The following AGO4 variants were observed in gnomAD, a reference collection of about 807,000 sequenced individuals.
The protein encoded by AGO4 is argonaute RISC component 4, also known as protein argonaute-4.
In AGO4, 33 loss-of-function variants were observed where a neutral mutation model predicts 104.7. The ratio of observed to expected loss-of-function variants is 0.32; its 90% CI spans 0.24 to 0.42. The LOEUF is 0.42. Ranked by LOEUF, AGO4 falls within the 10% of genes least tolerant of loss-of-function variation. The pLI is 1.00. For missense variants in AGO4, 711 were observed against 1,083.4 expected (o/e 0.66, Z 4.83); for synonymous variants, 331 against 364.7 (o/e 0.91, Z 1.05).
At chr1:35,827,679 G>A (rs1360166118) in intron 7 of AGO4, among the ~76,000 whole-genome samples, 2 of 151,616 alleles carry the variant, frequency 1.3e-5, no homozygotes, top group Non-Finnish European at 2.9e-5. Context: ...TACCTCTTAA[G>A]TAGAGTATGT....
At chr1:35,812,998 C>G (rs576628307) in intron 1 of AGO4, among the ~76,000 whole-genome samples, 44 of 152,212 alleles carry the variant, frequency 2.9e-4, no homozygotes, top group African/African-American at 1.0e-3. Flanking sequence ...TGTTTATCAC[C>G]TCTCACATTA....
intron 16 of AGO4, among the ~76,000 whole-genome samples, chr1:35,850,513 C>T (rs954736773): frequency 6.6e-6 from 1 of 152,000 alleles, no homozygotes; most frequent in Non-Finnish European, 1.5e-5. Flanking sequence ...GGCATGGTGG[C>T]TCACGCTTGT....
chr1:35,855,945 CAGA>C lies in AGO4; in HGVS notation c.*2346_*2348del, dbSNP rs767551038. ...CTCGGGCTTGCTTATTAATAACGCA[CAGA>C]AGAAGCATCACTTCTCACCATCTCC... On this transcript the variant is annotated 3_prime_UTR_variant, in exon 18 of 18. Coordinates refer to ENST00000373210, the MANE Select transcript of AGO4 (RefSeq NM_017629.4). 2.6e-5 allele frequency: 4 copies of C among 152,238 alleles called. No homozygotes were observed. The highest frequency in any genetic ancestry group is 5.9e-5 in the Non-Finnish European group (4 of 68,046). 9.4% of individuals were successfully genotyped at this position (152,238 alleles called of 1,614,324 possible). A position where few individuals can be genotyped will look rare whatever the true frequency, so the allele number is the denominator to read the frequency against.
At position 35,808,543 on chromosome 1, in the gene AGO4, C is replaced by T; in HGVS notation, c.19+108C>T. 3.0e-6 allele frequency: 3 copies of T among 998,450 alleles called. No individual in the cohort carries two copies. Among genetic ancestry groups the T allele is most frequent in the Non-Finnish European group, 3.7e-6 (3 of 806,978 alleles). The allele number at this position is 998,450 out of a possible 1,614,324, so 61.8% of individuals were successfully genotyped here. On this transcript the variant is annotated intron_variant, in intron 1 of 17. Transcript: ENST00000373210. This position sits in a 1 kb window ranked among gnomAD's most constrained non-coding sequence, Gnocchi z 5.2. ...TCGCCGGGTTCGGGCCGCCAGGCCT[C>T]GGGGAAGGGGACCCGAGCCCCGCAG...
chr1:35,825,325 G>A lies in AGO4; in HGVS notation c.319G>A (p.Val107Met), dbSNP rs1643990922. Residue 107 changes from valine (V) to methionine (M), a missense_variant, in exon 4 of 18, where the codon GTG becomes ATG. Transcript: ENST00000373210. ...TTTTTTTCCTTAGGTTGATATGGAG[G>A]TGACTCTTCCAGGCGAGGGTAAAGA... ...PIGRDRVDME[V>M]TLPGEGKDQT... 1 of 1,613,874 alleles carries A rather than the reference G, an allele frequency of 6.2e-7. No individual in the cohort carries two copies. The highest frequency in any genetic ancestry group is 8.5e-7 in the Non-Finnish European group (1 of 1,179,900).
At chr1:35,850,817 C>A (rs377637326) in intron 16 of AGO4, 37 bp from the exon 17 acceptor site, 629 of 977,090 alleles carry the variant, frequency 6.4e-4, no homozygotes, top group South Asian at 1.8e-3. Context: ...AAAAAACGAA[C>A]AAAAAAAAAA....
chr1:35,822,790 A>C (rs1643914997), intron 2 of AGO4, 72 bp from the exon 3 acceptor site: 2 of 1,574,112 alleles, frequency 1.3e-6, no homozygotes, highest in Middle Eastern at 1.7e-4. Flanking sequence ...TAAATGATTA[A>C]AGTATGATGA....
rs1415425947 is a variant in AGO4, at chr1:35,825,299, A to AT, written c.307-7dup. 3 of 1,609,392 alleles carry AT rather than the reference A, an allele frequency of 1.9e-6. No homozygotes were observed. The highest frequency in any genetic ancestry group is 2.5e-6 in the Non-Finnish European group (3 of 1,177,016). On this transcript the variant is annotated splice_polypyrimidine_tract_variant and intron_variant, in intron 3 of 17. Transcript: ENST00000373210. ...TAAACATTTGTGTTTGTATTCATGT[A>AT]TTTTTTTCCTTAGGTTGATATGGAG...
chr1:35,827,958 T>C (rs1423928133), intron 7 of AGO4, among the ~76,000 whole-genome samples: 2 of 151,832 alleles, frequency 1.3e-5, no homozygotes, highest in African/African-American at 4.8e-5. Flanking sequence ...TTGCCCAGTC[T>C]GGTCTTGAAT....
intron 2 of AGO4, among the ~76,000 whole-genome samples, chr1:35,818,202 G>A (rs1219938224): frequency 1.3e-5 from 2 of 152,032 alleles, no homozygotes; most frequent in Non-Finnish European, 2.9e-5. Flanking sequence ...ATACACACAC[G>A]TATGTATATG....
rs1643377434 is a variant in AGO4, at chr1:35,808,534, G to T, written c.19+99G>T. ...CCCGTCGCCTCGCCGGGTTCGGGCC[G>T]CCAGGCCTCGGGGAAGGGGACCCGA... On this transcript the variant is annotated intron_variant, in intron 1 of 17. Coordinates refer to ENST00000373210, the MANE Select transcript of AGO4 (RefSeq NM_017629.4). The surrounding 1 kb of genome is among the most constrained non-coding windows in gnomAD (Gnocchi z 5.2). 4 of 1,072,932 alleles carry T rather than the reference G, an allele frequency of 3.7e-6. No homozygotes were observed. In the African/African-American group the frequency reaches 6.7e-5, roughly 18 times the overall value. 66.5% of individuals were successfully genotyped at this position (1,072,932 alleles called of 1,614,324 possible). A position where few individuals can be genotyped will look rare whatever the true frequency, so the allele number is the denominator to read the frequency against.
At chr1:35,823,723 G>A (rs1442196058) in intron 3 of AGO4, among the ~76,000 whole-genome samples, 3 of 151,768 alleles carry the variant, frequency 2.0e-5, no homozygotes, top group Non-Finnish European at 2.9e-5. Context: ...GAGCCACTGC[G>A]CCTGGCCTTA....
chr1:35,812,913 A>C (rs1571251726), intron 1 of AGO4, among the ~76,000 whole-genome samples: 2 of 152,108 alleles, frequency 1.3e-5, no homozygotes, highest in Non-Finnish European at 2.9e-5. Flanking sequence ...TATGAATGAT[A>C]CAGTGATTGC....
Position 35,834,050 on chromosome 1 carries a change from G to A in AGO4, c.1440G>A (p.Gln480=). The stretch of plus-strand genomic sequence containing the variant: ...ATGCAGGAATGCCCATCCAGGGTCA[G>A]CCATGTTTCTGCAAGTATGCACAAG... ...SKDAGMPIQG[Q]PCFCKYAQGA... The change falls in exon 12 of 18, where the codon CAG becomes CAA. Residue 480 remains glutamine (Q), a synonymous_variant. Coordinates refer to ENST00000373210, the MANE Select transcript of AGO4 (RefSeq NM_017629.4). The A allele has an allele frequency of 6.2e-7, 1 of 1,611,010 alleles. No homozygotes were observed. Among genetic ancestry groups the A allele is most frequent in the Non-Finnish European group, 8.5e-7 (1 of 1,178,546 alleles).
intron 15 of AGO4, among the ~76,000 whole-genome samples, chr1:35,847,052 T>C (rs1223616599): frequency 1.3e-5 from 2 of 150,192 alleles, no homozygotes; most frequent in Non-Finnish European, 2.9e-5. Context: ...GTATATAACC[T>C]ATGCACATCC....
At position 35,841,314 on chromosome 1, in the gene AGO4, C is replaced by G. The variant is rs1217453621; in HGVS notation, c.1874C>G (p.Thr625Ser). 4 of 1,614,192 alleles carry G rather than the reference C, an allele frequency of 2.5e-6. No individual in the cohort carries two copies. Among genetic ancestry groups the G allele is most frequent in the East Asian group, 2.2e-5 (1 of 44,882 alleles). Residue 625 changes from threonine to serine, a missense_variant, in exon 14 of 18, where the codon ACT (threonine) becomes AGT (serine). Thr to Ser is a moderately conservative substitution (Grantham distance 58). Transcript: ENST00000373210. The surrounding 1 kb of genome is among the most constrained non-coding windows in gnomAD (Gnocchi z 4.7). ...SRYCATVRVQTSRQEISQELL... is the reference protein window; with the variant it reads ...SRYCATVRVQSSRQEISQELL... ...TACTGTGCCACCGTTCGGGTGCAGACTTCCCGGCAGGAGATCTCCCAAGAG... is the reference window on the plus strand; with the variant it reads ...TACTGTGCCACCGTTCGGGTGCAGAGTTCCCGGCAGGAGATCTCCCAAGAG...
intron 1 of AGO4, among the ~76,000 whole-genome samples, chr1:35,815,226 T>A (rs1643654315): frequency 6.6e-6 from 1 of 152,316 alleles, no homozygotes; most frequent in South Asian, 2.1e-4. Context: ...GAAGTCTTTG[T>A]TCTCAGTGAA....
At chr1:35,838,287 C>T (rs1334162211) in intron 13 of AGO4, among the ~76,000 whole-genome samples, 1 of 152,120 alleles carries the variant, frequency 6.6e-6, no homozygotes, top group African/African-American at 2.4e-5. Context: ...AGCTCCTGAC[C>T]TCAAGCAATC....
At chr1:35,851,971 A>T (rs1415895870) in intron 17 of AGO4, among the ~76,000 whole-genome samples, 1 of 152,240 alleles carries the variant, frequency 6.6e-6, no homozygotes, top group African/African-American at 2.4e-5. Flanking sequence ...ATAAAAGTGC[A>T]ATGGGACACC....
Sources: allele counts gnomAD v4.1 joint callset (sites outside exome capture counted in the v4.1 genomes callset), GRCh38; gene constraint gnomAD v4.1.1; non-coding constraint Gnocchi (gnomAD v3.1); transcripts MANE v1.5; gene names NCBI Gene and HGNC (gene_info 2026-07-23, HGNC 2026-07-21).